Variants in ADCY4 observed in about 807,000 individuals in gnomAD.
The protein encoded by ADCY4 is adenylate cyclase 4.
Under a neutral mutation model 125.5 loss-of-function variants are expected in ADCY4, and 111 were observed. The observed-to-expected ratio is 0.88, with a 90% CI of 0.76 to 1.04. The LOEUF (loss-of-function observed/expected upper bound fraction) is 1.04, where lower values mean the gene tolerates loss of function less well. Among genes scored for constraint, ADCY4 ranks in the 50% least tolerant of loss-of-function variants. The pLI, the probability that ADCY4 is intolerant of heterozygous loss-of-function variation, is 0.00. For missense variants in ADCY4, 1,256 were observed against 1,382.9 expected, an observed-to-expected ratio of 0.91 and a Z score of 1.46; for synonymous variants, 576 against 586.9, an observed-to-expected ratio of 0.98 and a Z score of 0.27.
rs115928316 is a variant in ADCY4, at chr14:24,319,971, T to G, written c.2587-83A>C. 7 of 1,493,688 alleles carry G rather than the reference T, an allele frequency of 4.7e-6. No homozygotes were observed. The South Asian group carries it at 7.2e-5, about 15-fold the overall frequency. The allele number at this position is 1,493,688 out of a possible 1,614,324, so 92.5% of individuals were successfully genotyped here. A position where few individuals can be genotyped will look rare whatever the true frequency, so the allele number is the denominator to read the frequency against. ...GGTCTGCGTGGGGCCCTCCTCCCCA[T>G]GTCCACACTCCTGGTCTCCCTGTTT... On this transcript the variant is annotated intron_variant, in intron 20 of 24. Transcript: ENST00000418030. The surrounding 1 kb of genome is among the most constrained non-coding windows in gnomAD (Gnocchi z 4.5).
At position 24,334,678 on chromosome 14, in the gene ADCY4, G is replaced by C. The variant is rs1002244467; in HGVS notation, c.-26C>G. The C allele has an allele frequency of 6.7e-7, 1 of 1,491,430 alleles. No homozygotes were observed. The highest frequency in any genetic ancestry group is 8.9e-7 in the Non-Finnish European group (1 of 1,122,848). The allele number at this position is 1,491,430 out of a possible 1,614,324, so 92.4% of individuals were successfully genotyped here. A position where few individuals can be genotyped will look rare whatever the true frequency, so the allele number is the denominator to read the frequency against. On this transcript the variant is annotated 5_prime_UTR_variant, in exon 1 of 25. Coordinates refer to ENST00000418030, the MANE Select transcript of ADCY4 (RefSeq NM_001198568.2). ...GATCTCCCCAGCCCCGAGCCCCGGG[G>C]CTGGCTAGGGCCGGGCGCCGGGTTA...
Position 24,324,045 on chromosome 14 carries a change from G to GCCCCC in ADCY4, c.2046+12_2046+16dup, listed in dbSNP as rs766802387. ...ACATGCCCTCATGGGGGTGGATAGG[G>GCCCCC]CCCCCTCTGTCCTCACCAGGCTGGT... On this transcript the variant is annotated intron_variant, in intron 16 of 24. Transcript: ENST00000418030. 1.2e-6 allele frequency: 2 copies of GCCCCC among 1,612,386 alleles called. No individual in the cohort carries two copies. The highest frequency in any genetic ancestry group is 4.5e-5 in the East Asian group (2 of 44,872).
intron 6 of ADCY4, chr14:24,330,704 G>A: frequency 2.7e-6 from 1 of 372,594 alleles, no homozygotes; most frequent in South Asian, 4.6e-5. Flanking sequence ...CCTAAGGTTA[G>A]AATATCAGAA....
At position 24,332,584 on chromosome 14, in the gene ADCY4, G is replaced by A; in HGVS notation, c.457C>T (p.Leu153=). ...CCAAGATACAGCCCGAGGACCAGCAGATGCGAGAGTGAGGAGGCGAGGCCC... is the reference window on the plus strand; with the variant it reads ...CCAAGATACAGCCCGAGGACCAGCAAATGCGAGAGTGAGGAGGCGAGGCCC... ...VAGLASSLSH[L]LVLGLYLGPQ... Residue 153 remains leucine (L), a synonymous_variant, in exon 3 of 25, where the codon CTG becomes TTG. Coordinates refer to ENST00000418030, the MANE Select transcript of ADCY4 (RefSeq NM_001198568.2). 1.9e-6 allele frequency: 3 copies of A among 1,578,710 alleles called. No homozygotes were observed. The highest frequency in any genetic ancestry group is 1.2e-5 in the South Asian group (1 of 86,658).
At chr14:24,321,389 C>G (rs1309554057) in intron 20 of ADCY4, among the ~76,000 whole-genome samples, 1 of 151,736 alleles carries the variant, frequency 6.6e-6, no homozygotes, top group Non-Finnish European at 1.5e-5. Context: ...CCATTACATG[C>G]ACTCCAGCCT....
rs971100134 is a variant in ADCY4 at position 24,331,777 on chromosome 14, G to A, written c.669+11C>T. ...CGGAGCGCTGCTCTGACCTTCCTAG[G>A]CCCGGCTGACCTGGTGCTTCTTCTC... On this transcript the variant is annotated intron_variant, in intron 4 of 24. Transcript: ENST00000418030. 1.3e-6 allele frequency: 2 copies of A among 1,567,578 alleles called. No individual in the cohort carries two copies. The highest frequency in any genetic ancestry group is 8.7e-7 in the Non-Finnish European group (1 of 1,150,494).
In ADCY4 at chr14:24,319,702, A is replaced by C. The variant is rs1260631992; in HGVS notation, c.2733+40T>G. 1.6e-5 allele frequency: 26 copies of C among 1,613,236 alleles called. No individual in the cohort carries two copies. The East Asian group carries it at 4.9e-4, about 30-fold the overall frequency. ...GGAGGTACTGGTGGAAAATTCTAGAATCTAGGACATAGGGTCTGGGAGACT... is the reference window on the plus strand; with the variant it reads ...GGAGGTACTGGTGGAAAATTCTAGACTCTAGGACATAGGGTCTGGGAGACT... On this transcript the variant is annotated intron_variant, in intron 21 of 24. Transcript: ENST00000418030. The surrounding 1 kb of genome is among the most constrained non-coding windows in gnomAD (Gnocchi z 4.5).
chr14:24,326,450 T>A, intron 10 of ADCY4, 108 bp from the exon 11 acceptor site: 1 of 1,317,372 alleles, frequency 7.6e-7, no homozygotes, highest in South Asian at 1.2e-5. Context: ...CCTTGGGCAT[T>A]TCACTGGGCT....
rs1386637875 is a variant in ADCY4, at chr14:24,322,169, C to T, written c.2483G>A (p.Arg828Lys). ...FLWKKKLRQE[R>K]EETETMENLT... Reference sequence around the variant, plus strand: ...GTTCTCCATCGTCTCTGTCTCCTCCCTCTCCTGCCTCAGCTTCTTCTTCCA... The same window carrying T: ...GTTCTCCATCGTCTCTGTCTCCTCCTTCTCCTGCCTCAGCTTCTTCTTCCA... Residue 828 changes from arginine (R) to lysine (K), a missense_variant, in exon 20 of 25, where the codon AGG becomes AAG. Coordinates refer to ENST00000418030, the MANE Select transcript of ADCY4 (RefSeq NM_001198568.2). 2 of 1,614,004 alleles carry T rather than the reference C, an allele frequency of 1.2e-6. No individual in the cohort carries two copies. Among genetic ancestry groups the T allele is most frequent in the Non-Finnish European group, 1.7e-6 (2 of 1,180,000 alleles).
Position 24,332,573 on chromosome 14 carries a change from G to A in ADCY4, c.468C>T (p.Leu156=), listed in dbSNP as rs140058720. ...LASSLSHLLV[L]GLYLGPQPDS... ...CCGGCTGTGGCCCAAGATACAGCCC[G>A]AGGACCAGCAGATGCGAGAGTGAGG... is the stretch of plus-strand genomic sequence containing the variant. Residue 156 remains leucine (L), a synonymous_variant, in exon 3 of 25, where the codon CTC becomes CTT. Coordinates refer to ENST00000418030, the MANE Select transcript of ADCY4 (RefSeq NM_001198568.2). 21 of 1,577,068 alleles carry A rather than the reference G, an allele frequency of 1.3e-5. No individual in the cohort carries two copies. The African/African-American group carries it at 2.7e-4, about 20-fold the overall frequency.
chr14:24,328,956 A>T (rs2041995241), intron 10 of ADCY4, 105 bp downstream of exon 10: 1 of 1,379,400 alleles, frequency 7.2e-7, no homozygotes, highest in Non-Finnish European at 9.9e-7. Context: ...ACAAATCATT[A>T]AGTGGCTCAC....
chr14:24,324,272 C>T (rs781723696), intron 15 of ADCY4, 35 bp downstream of exon 15: 20 of 1,613,848 alleles, frequency 1.2e-5, no homozygotes, highest in Non-Finnish European at 1.7e-5. Context: ...GACCAGGGCT[C>T]CGGCATACCA....
chr14:24,319,159 G>A lies in ADCY4; in HGVS notation c.2895C>T (p.Ala965=), dbSNP rs139387142. The change falls in exon 23 of 25, where the codon GCC becomes GCT. Residue 965 remains alanine, a synonymous_variant. Transcript: ENST00000418030. This position sits in a 1 kb window ranked among gnomAD's most constrained non-coding sequence, Gnocchi z 4.5. ...TGATGACGTCCAGCTTAGACCCCAG[G>A]GCCACGGCAAATTCCACCATAGTGC... ...HLGTMVEFAV[A]LGSKLDVINK... The A allele has an allele frequency of 6.2e-6, 10 of 1,613,920 alleles. No homozygotes were observed. The highest frequency in any genetic ancestry group is 8.5e-7 in the Non-Finnish European group (1 of 1,180,028).
Position 24,334,740 on chromosome 14 carries a change from T to G in ADCY4, c.-88A>C. ...CCGGCGGGCCCCACCTGAGCTTTTC[T>G]CACCCGCTCAAAGCCGCTACCACCC... On this transcript the variant is annotated 5_prime_UTR_variant, in exon 1 of 25. Coordinates refer to ENST00000418030, the MANE Select transcript of ADCY4 (RefSeq NM_001198568.2). 1.7e-6 allele frequency: 2 copies of G among 1,147,406 alleles called. No individual in the cohort carries two copies. The highest frequency in any genetic ancestry group is 2.4e-6 in the Non-Finnish European group (2 of 842,212). The allele number at this position is 1,147,406 out of a possible 1,614,324, so 71.1% of individuals were successfully genotyped here. A position where few individuals can be genotyped will look rare whatever the true frequency, so the allele number is the denominator to read the frequency against.
At chr14:24,323,962 G>T in intron 16 of ADCY4, 100 bp downstream of exon 16, 6 of 1,474,850 alleles carry the variant, frequency 4.1e-6, no homozygotes, top group Admixed American at 2.2e-5. Context: ...CATCCCCTGG[G>T]CTTAGTCCAG....
intron 19 of ADCY4, 92 bp downstream of exon 19, chr14:24,322,531 TG>T: frequency 7.4e-7 from 1 of 1,351,704 alleles, no homozygotes; most frequent in African/African-American, 1.5e-5. Context: ...AAGCTTCCAA[TG>T]GGCATTCAAC....
Position 24,324,354 on chromosome 14 carries a change from G to A in ADCY4, c.1861C>T (p.Leu621Phe). 1 of 1,614,258 alleles carries A rather than the reference G, an allele frequency of 6.2e-7. No individual in the cohort carries two copies. The highest frequency in any genetic ancestry group is 8.5e-7 in the Non-Finnish European group (1 of 1,180,050). The change falls in exon 15 of 25, where the codon CTC (leucine) becomes TTC (phenylalanine). Residue 621 changes from leucine to phenylalanine, a missense_variant. Coordinates refer to ENST00000418030, the MANE Select transcript of ADCY4 (RefSeq NM_001198568.2). ...ACAAAAAGGATGAGGAGGAAGAGGA[G>A]GAAGGTGATGCTATACGTGATGGCC... is the stretch of plus-strand genomic sequence containing the variant. ...ALAITYSITF[L>F]LFLLILFVCF...
chr14:24,323,754 G>A (rs924355144), intron 16 of ADCY4: 4 of 702,368 alleles, frequency 5.7e-6, no homozygotes, highest in African/African-American at 3.9e-5. Context: ...TGATTCCCAG[G>A]TGCCCACCAG....
intron 8 of ADCY4, 96 bp downstream of exon 8, chr14:24,329,764 A>G: frequency 6.5e-7 from 1 of 1,534,052 alleles, no homozygotes; most frequent in South Asian, 1.2e-5. Flanking sequence ...TAAGGTACTC[A>G]TCTTGTGCTT....
Sources: gnomAD v4.1 joint callset for allele counts (sites outside exome capture counted in the v4.1 genomes callset) on GRCh38, gnomAD v4.1.1 for gene constraint, Gnocchi (gnomAD v3.1) non-coding constraint, MANE v1.5 for transcripts, NCBI Gene and HGNC (gene_info 2026-07-23, HGNC 2026-07-21) for gene names.